DAG1: variants seen among roughly 807,000 people sequenced by gnomAD.
The protein encoded by DAG1 is dystroglycan 1, also known as dystroglycan 1 (dystrophin-associated glycoprotein 1).
DAG1 carries 8 observed loss-of-function variants against 46.1 expected under a neutral mutation model. The ratio of observed to expected loss-of-function variants is 0.17; its 90% CI spans 0.10 to 0.31. DAG1 has a LOEUF of 0.31. Ranked by LOEUF, DAG1 falls within the 10% of genes least tolerant of loss-of-function variation. DAG1 has a pLI of 1.00. For synonymous variants in DAG1, 495 were observed against 481.8 expected (o/e 1.03, Z -0.36); for missense variants, 1,003 against 1,189.9 (o/e 0.84, Z 2.31).
rs562245720 is a variant in DAG1 at position 49,521,878 on chromosome 3, C to T, written c.286-8919C>T. Among the ~76,000 whole-genome samples the T allele has an allele frequency of 1.2e-3, 187 of 151,768 alleles. 2 individuals are homozygous for T. The South Asian group carries it at 0.017, about 14-fold the overall frequency. On this transcript the variant is annotated intron_variant, in intron 2 of 2. Coordinates refer to ENST00000308775, the MANE Select transcript of DAG1 (RefSeq NM_004393.6). ...TTTGTTTTTTTTTTTGAGATGGAGT[C>T]TCGCTCTGTCGCCCAGGCTGGAGTG...
At chr3:49,485,826 A>T (rs1575350638) in intron 1 of DAG1, among the ~76,000 whole-genome samples, 1 of 149,012 alleles carries the variant, frequency 6.7e-6, no homozygotes, top group South Asian at 2.1e-4. Context: ...ATGCCAGCCT[A>T]TTTTTTTTTC....
intron 1 of DAG1, among the ~76,000 whole-genome samples, chr3:49,484,818 C>T (rs62261182): frequency 6.8e-6 from 1 of 148,066 alleles, no homozygotes; most frequent in African/African-American, 2.5e-5. Context: ...TTTTTTGAGA[C>T]GGAGTCTTGC....
At chr3:49,523,646 T>C (rs986875861) in intron 2 of DAG1, among the ~76,000 whole-genome samples, 1 of 152,176 alleles carries the variant, frequency 6.6e-6, no homozygotes, top group Non-Finnish European at 1.5e-5. Context: ...CACTGTGCAC[T>C]GGGTCCAAGG....
At chr3:49,484,167 A>C (rs2049955743) in intron 1 of DAG1, among the ~76,000 whole-genome samples, 1 of 152,232 alleles carries the variant, frequency 6.6e-6, no homozygotes, top group Admixed American at 6.5e-5. Flanking sequence ...TTGCTTACCT[A>C]GAAAATAGAA....
chr3:49,496,353 CTTTT>C (rs752449720), intron 1 of DAG1, among the ~76,000 whole-genome samples: 1 of 84,108 alleles, frequency 1.2e-5, no homozygotes, highest in Admixed American at 1.6e-4. Context: ...AAATTTTTAA[CTTTT>C]TTTTTTTTTT....
chr3:49,485,466 C>T (rs2049999753), intron 1 of DAG1, among the ~76,000 whole-genome samples: 1 of 152,162 alleles, frequency 6.6e-6, no homozygotes, highest in Non-Finnish European at 1.5e-5. Context: ...CAGAATTTAT[C>T]AAGCCTTTCT....
At chr3:49,502,373 C>T (rs2050475984) in intron 1 of DAG1, among the ~76,000 whole-genome samples, 1 of 152,072 alleles carries the variant, frequency 6.6e-6, no homozygotes. Flanking sequence ...TCATTTGGTC[C>T]CTTTTGCTGA....
At chr3:49,521,264 C>T (rs1238282155) in intron 2 of DAG1, among the ~76,000 whole-genome samples, 6 of 151,682 alleles carry the variant, frequency 4.0e-5, no homozygotes, top group East Asian at 1.9e-4. Flanking sequence ...CCTGGGTTCA[C>T]GCCATTTTCC....
At chr3:49,504,567 C>CTTTTTT (rs55662849) in intron 1 of DAG1, among the ~76,000 whole-genome samples, 1 of 49,700 alleles carries the variant, frequency 2.0e-5, no homozygotes, top group African/African-American at 8.4e-5. Context: ...CCAATACAGT[C>CTTTTTT]TTTTTTTTTT....
chr3:49,515,717 T>TCAGA (rs1240287617), intron 2 of DAG1, among the ~76,000 whole-genome samples: 1 of 152,046 alleles, frequency 6.6e-6, no homozygotes, highest in African/African-American at 2.4e-5. Context: ...GAGGAACATT[T>TCAGA]CAGATATTGG....
intron 1 of DAG1, among the ~76,000 whole-genome samples, chr3:49,485,936 C>T (rs1294904072): frequency 6.6e-6 from 1 of 152,050 alleles, no homozygotes; most frequent in Non-Finnish European, 1.5e-5. Flanking sequence ...GGTGGGATTA[C>T]AGGTGTGAAC....
At chr3:49,507,938 TTGTC>T (rs922308391) in intron 1 of DAG1, among the ~76,000 whole-genome samples, 9 of 152,144 alleles carry the variant, frequency 5.9e-5, no homozygotes, top group Non-Finnish European at 1.3e-4. Flanking sequence ...TGATTCATAT[TTGTC>T]TGTGTAGAGT....
At chr3:49,514,181 T>C (rs1034600065) in intron 2 of DAG1, among the ~76,000 whole-genome samples, 2 of 152,180 alleles carry the variant, frequency 1.3e-5, no homozygotes, top group Non-Finnish European at 2.9e-5. Context: ...TTATATGGGT[T>C]GGGGAGTCAG....
At position 49,504,677 on chromosome 3, in the gene DAG1, C is replaced by G. The variant is rs2050550810; in HGVS notation, c.-116-5742C>G. Among the ~76,000 whole-genome samples, 5 of 143,180 alleles carry G rather than the reference C, an allele frequency of 3.5e-5. No individual in the cohort carries two copies. In the South Asian group the frequency reaches 1.1e-3, roughly 32 times the overall value. The allele number at this position is 143,180 out of a possible 152,430, so 93.9% of individuals were successfully genotyped here. On this transcript the variant is annotated intron_variant, in intron 1 of 2. Coordinates refer to ENST00000308775, the MANE Select transcript of DAG1 (RefSeq NM_004393.6). The stretch of plus-strand genomic sequence containing the variant: ...TCTCGGCTCACTCCAACCTCTGCCT[C>G]CTGGGTTCATGCCATTCTCCTGCCT...
chr3:49,478,222 CGAGATCGTGCT>C (rs1373323512), intron 1 of DAG1, among the ~76,000 whole-genome samples: 1 of 142,360 alleles, frequency 7.0e-6, no homozygotes, highest in Non-Finnish European at 1.5e-5. Flanking sequence ...TGCAGTGAGC[CGAGATCGTGCT>C]GTTGCACTCC....
chr3:49,469,992 G>C (rs2049461129), upstream of DAG1: 1 of 152,276 alleles, frequency 6.6e-6, no homozygotes, highest in South Asian at 2.1e-4. Flanking sequence ...TCCCGGGACG[G>C]ACTTCCCTGG....
intron 2 of DAG1, among the ~76,000 whole-genome samples, chr3:49,513,397 A>G (rs2050813406): frequency 6.6e-6 from 1 of 152,152 alleles, no homozygotes; most frequent in African/African-American, 2.4e-5. Flanking sequence ...GCCCAACAAC[A>G]CTTCCATTTT....
At chr3:49,516,732 C>G (rs2050906952) in intron 2 of DAG1, among the ~76,000 whole-genome samples, 1 of 152,176 alleles carries the variant, frequency 6.6e-6, no homozygotes, top group Admixed American at 6.6e-5. Context: ...GGATAAGATG[C>G]TCCAGGCCTG....
intron 1 of DAG1, among the ~76,000 whole-genome samples, chr3:49,500,289 C>T (rs1218742620): frequency 1.3e-5 from 2 of 152,142 alleles, no homozygotes; most frequent in Non-Finnish European, 2.9e-5. Context: ...GTATTACAGG[C>T]GTGAGCCACT....
Sources: gnomAD v4.1 joint callset for allele counts (sites outside exome capture counted in the v4.1 genomes callset) on GRCh38, gnomAD v4.1.1 for gene constraint, MANE v1.5 for transcripts, NCBI Gene and HGNC (gene_info 2026-07-23, HGNC 2026-07-21) for gene names.